Variants in NRG1 observed in about 807,000 individuals in gnomAD.
The protein encoded by NRG1 is neuregulin 1.
A neutral mutation model predicts 63.8 loss-of-function variants in NRG1; 18 were observed. The ratio of observed to expected loss-of-function variants is 0.28; its 90% CI spans 0.19 to 0.42. The LOEUF (loss-of-function observed/expected upper bound fraction) is 0.42. Among genes scored for constraint, NRG1 ranks in the 10% least tolerant of loss-of-function variants. NRG1 has a pLI of 1.00. For missense variants in NRG1, 762 were observed against 814.7 expected (o/e 0.94, Z 0.79); for synonymous variants, 302 against 301.3 (o/e 1.00, Z -0.02).
chr8:32,507,607 C>T (rs1828686245), intron 1 of NRG1, among the ~76,000 whole-genome samples: 1 of 152,184 alleles, frequency 6.6e-6, no homozygotes, highest in Non-Finnish European at 1.5e-5. Flanking sequence ...GCAACAGTCC[C>T]ATTAAAGAGT....
chr8:32,769,561 C>T (rs1831650593), downstream of NRG1, among the ~76,000 whole-genome samples: 1 of 152,144 alleles, frequency 6.6e-6, no homozygotes, highest in Non-Finnish European at 1.5e-5. Context: ...ACTCAAGATG[C>T]TGGAAGGAGT....
chr8:32,590,966 C>T (rs1433817713), intron 1 of NRG1, among the ~76,000 whole-genome samples: 1 of 152,022 alleles, frequency 6.6e-6, no homozygotes, highest in African/African-American at 2.4e-5. Context: ...AAATTTTTGC[C>T]CTGTGTCCTT....
chr8:32,548,364 C>T, exon 1 of NRG1: 2 of 1,023,118 alleles, frequency 2.0e-6, no homozygotes, highest in Non-Finnish European at 1.2e-6. Context: ...GCGGCGGCGG[C>T]TGCCGGACGA....
At chr8:31,661,817 T>G (rs1259499199) in intron 1 of NRG1, among the ~76,000 whole-genome samples, 1 of 152,222 alleles carries the variant, frequency 6.6e-6, no homozygotes, top group African/African-American at 2.4e-5. Context: ...TCATAGTTAT[T>G]TGTTGAGTAA....
intron 1 of NRG1, among the ~76,000 whole-genome samples, chr8:31,859,988 G>A (rs1323234045): frequency 1.3e-5 from 2 of 152,158 alleles, no homozygotes; most frequent in African/African-American, 2.4e-5. Context: ...ACCATGCCTA[G>A]GAAAACAAAG....
intron 1 of NRG1, among the ~76,000 whole-genome samples, chr8:32,048,735 T>A (rs1821495276): frequency 6.6e-6 from 1 of 151,986 alleles, no homozygotes; most frequent in Non-Finnish European, 1.5e-5. Context: ...GTTGAGCATT[T>A]TTCATATGCC....
At chr8:32,390,722 G>A (rs548427985) in intron 1 of NRG1, among the ~76,000 whole-genome samples, 1 of 151,854 alleles carries the variant, frequency 6.6e-6, no homozygotes, top group East Asian at 1.9e-4. Context: ...TCACTGTACT[G>A]ACCATACTCT....
intron 1 of NRG1, among the ~76,000 whole-genome samples, chr8:31,702,551 T>G (rs1810734918): frequency 6.6e-6 from 1 of 152,058 alleles, no homozygotes; most frequent in Non-Finnish European, 1.5e-5. Flanking sequence ...TCAATCATAT[T>G]AATGGCCATT....
At chr8:32,494,846 C>A (rs780645195) in intron 1 of NRG1, among the ~76,000 whole-genome samples, 50 of 138,486 alleles carry the variant, frequency 3.6e-4, no homozygotes, top group Non-Finnish European at 7.1e-4. Context: ...ATTATGTACA[C>A]CCCCTGTTTC....
At chr8:32,385,175 A>G (rs1351900631) in intron 1 of NRG1, among the ~76,000 whole-genome samples, 3 of 149,886 alleles carry the variant, frequency 2.0e-5, no homozygotes, top group Non-Finnish European at 3.0e-5. Flanking sequence ...GCCCGTCACC[A>G]TGCCCGGCTA....
rs1563584126 is a variant in NRG1, at chr8:32,525,394, GT to G, written c.38-70433del. 3.3e-3 allele frequency among the ~76,000 whole-genome samples: 318 copies of G among 97,516 alleles called. 1 individual carries two copies. Among genetic ancestry groups the G allele is most frequent in the Non-Finnish European group, 5.3e-3 (215 of 40,892 alleles). The allele number at this position is 97,516 out of a possible 152,430, so 64.0% of individuals were successfully genotyped here. A position where few individuals can be genotyped will look rare whatever the true frequency, so the allele number is the denominator to read the frequency against. ...CTCATCTTAAGCATGAGGTAGGGGT[GT>G]GTGTGTGTGTGTGTGTGTGTGTGTG... On this transcript the variant is annotated intron_variant, in intron 1 of 10. Transcript: ENST00000519301.
At chr8:32,081,608 A>G (rs958829443) in intron 1 of NRG1, among the ~76,000 whole-genome samples, 4 of 152,128 alleles carry the variant, frequency 2.6e-5, no homozygotes, top group Non-Finnish European at 4.4e-5. Flanking sequence ...GAGTGGAAAA[A>G]CATATCTGAA....
At chr8:32,132,676 G>T (rs999365402) in intron 1 of NRG1, among the ~76,000 whole-genome samples, 1 of 152,058 alleles carries the variant, frequency 6.6e-6, no homozygotes, top group African/African-American at 2.4e-5. Context: ...ATGCATGGAA[G>T]AACACATCTG....
chr8:32,405,611 T>A (rs1436670409), intron 1 of NRG1, among the ~76,000 whole-genome samples: 1 of 152,202 alleles, frequency 6.6e-6, no homozygotes, highest in Non-Finnish European at 1.5e-5. Context: ...TACAGTCATG[T>A]AGAGACAAAA....
At chr8:31,760,944 A>G (rs2131514625) in intron 1 of NRG1, among the ~76,000 whole-genome samples, 1 of 152,286 alleles carries the variant, frequency 6.6e-6, no homozygotes, top group East Asian at 1.9e-4. Context: ...CAGCCATCCC[A>G]TTACTGGGTA....
chr8:32,596,239 A>G (rs1353165880), intron 2 of NRG1, among the ~76,000 whole-genome samples: 1 of 152,182 alleles, frequency 6.6e-6, no homozygotes, highest in African/African-American at 2.4e-5. Context: ...AACTGTAGGA[A>G]GTAAGAAGAG....
At chr8:32,328,461 G>A (rs1802272661) in intron 1 of NRG1, among the ~76,000 whole-genome samples, 1 of 146,278 alleles carries the variant, frequency 6.8e-6, no homozygotes, top group Admixed American at 6.9e-5. Context: ...ATAGAATGTT[G>A]CCTAAACTGA....
chr8:31,792,934 A>G (rs1463623428), intron 1 of NRG1, among the ~76,000 whole-genome samples: 2 of 152,170 alleles, frequency 1.3e-5, no homozygotes, highest in African/African-American at 4.8e-5. Flanking sequence ...AAAAAGCCCT[A>G]CTCATGTTTC....
chr8:32,176,336 T>C (rs962358105), intron 1 of NRG1, among the ~76,000 whole-genome samples: 1 of 152,184 alleles, frequency 6.6e-6, no homozygotes, highest in African/African-American at 2.4e-5. Flanking sequence ...TTCAAGGTGA[T>C]TAAAGACTTA....
Sources: allele counts gnomAD v4.1 joint callset (sites outside exome capture counted in the v4.1 genomes callset), GRCh38; gene constraint gnomAD v4.1.1; transcripts MANE v1.5; gene names NCBI Gene and HGNC (gene_info 2026-07-23, HGNC 2026-07-21).